CDCA2: variants seen among roughly 807,000 people sequenced by gnomAD.
CDCA2 encodes cell division cycle associated 2, also known as cell division cycle-associated protein 2.
Under a neutral mutation model 67.0 loss-of-function variants are expected in CDCA2, and 44 were observed. The observed-to-expected ratio is 0.66, with a 90% confidence interval of 0.52 to 0.84. The LOEUF (loss-of-function observed/expected upper bound fraction) is 0.84, where lower values mean the gene tolerates loss of function less well. Among genes scored for constraint, CDCA2 ranks in the 40% least tolerant of loss-of-function variants. The pLI, the probability that CDCA2 is intolerant of heterozygous loss-of-function variation, is 0.00. For missense variants in CDCA2, 1,253 were observed against 1,203.2 expected (o/e 1.04, Z -0.61); for synonymous variants, 447 against 418.7 (o/e 1.07, Z -0.82).
At chr8:25,490,999 T>C (rs1252133820) in intron 13 of CDCA2, among the ~76,000 whole-genome samples, 1 of 152,172 alleles carries the variant, frequency 6.6e-6, no homozygotes, top group Non-Finnish European at 1.5e-5. Context: ...AATAGGTTAT[T>C]CAAGGAATAG....
Position 25,507,052 on chromosome 8 carries a change from G to A in CDCA2, c.2386G>A (p.Val796Ile). The change falls in exon 15 of 15, where the codon GTC becomes ATC. Residue 796 changes from valine (V) to isoleucine (I), a missense_variant. By Grantham distance (29) the Val-to-Ile change is conservative. Coordinates refer to ENST00000330560, the MANE Select transcript of CDCA2 (RefSeq NM_152562.4). ...SQKDCHCLGD[V>I]LIENTKESKS... ...AAAAGACTGTCATTGTTTAGGAGAT[G>A]TCTTAATTGAAAATACGAAAGAATC... 6.2e-7 allele frequency: 1 copy of A among 1,613,994 alleles called. No homozygotes were observed. The highest frequency in any genetic ancestry group is 8.5e-7 in the Non-Finnish European group (1 of 1,179,974).
At chr8:25,462,328 G>C in intron 4 of CDCA2, 120 bp downstream of exon 4, 4 of 1,192,932 alleles carry the variant, frequency 3.4e-6, no homozygotes, top group Non-Finnish European at 1.2e-6. Flanking sequence ...CTGTGTTTTA[G>C]AGAACATGCA....
intron 14 of CDCA2, among the ~76,000 whole-genome samples, 181 bp from the exon 15 acceptor site, chr8:25,506,329 C>T (rs1003558815): frequency 2.0e-5 from 3 of 152,068 alleles, no homozygotes; most frequent in South Asian, 4.1e-4. Flanking sequence ...ACCTGTGGAT[C>T]GTTGGAGAAC....
intron 4 of CDCA2, among the ~76,000 whole-genome samples, chr8:25,465,779 C>G (rs886621416): frequency 6.6e-6 from 1 of 152,128 alleles, no homozygotes; most frequent in Non-Finnish European, 1.5e-5. Context: ...GTAGAAACAG[C>G]TTGGACTGAA....
chr8:25,507,654 G>A lies in CDCA2; in HGVS notation c.2988G>A (p.Arg996=). 1 of 1,614,196 alleles carries A rather than the reference G, an allele frequency of 6.2e-7. No individual in the cohort carries two copies. The highest frequency in any genetic ancestry group is 8.5e-7 in the Non-Finnish European group (1 of 1,180,028). Residue 996 remains arginine, a synonymous_variant, in exon 15 of 15, where the codon CGG becomes CGA. Coordinates refer to ENST00000330560, the MANE Select transcript of CDCA2 (RefSeq NM_152562.4). ...CCACTTCCCAGTTCAAAGGCTACCG[G>A]AGAAGATCCTCTCTTAATGGGAAGG... ...TKATSQFKGY[R]RRSSLNGKGE... is the part of the protein sequence containing the mutation.
At chr8:25,474,682 C>T (rs941619370) in intron 7 of CDCA2, among the ~76,000 whole-genome samples, 2 of 152,154 alleles carry the variant, frequency 1.3e-5, no homozygotes, top group Non-Finnish European at 2.9e-5. Flanking sequence ...TAGAGCTGCT[C>T]TCTGGGTTCT....
In CDCA2 at chr8:25,503,471, CA is replaced by C; in HGVS notation, c.1771del (p.Ser591ValfsTer12). 6.2e-7 allele frequency: 1 copy of C among 1,613,954 alleles called. No homozygotes were observed. The highest frequency in any genetic ancestry group is 8.5e-7 in the Non-Finnish European group (1 of 1,179,860). ...ACATTGCTTCTAAGAAGCCCCTCCT[CA>C]GTCCTATTCCCGAGCTGCCTGAAGT... ...RDIASKKPLLSPIPELPEVPE... is the reference protein window; with the variant it reads ...RDIASKKPLLXPIPELPEVPE... On this transcript the variant is annotated frameshift_variant, in exon 14 of 15. Transcript: ENST00000330560. LOFTEE classifies it high-confidence loss of function.
At position 25,506,798 on chromosome 8, in the gene CDCA2, C is replaced by A. The variant is rs749123267; in HGVS notation, c.2132C>A (p.Pro711His). 6.2e-7 allele frequency: 1 copy of A among 1,613,922 alleles called. No homozygotes were observed. Among genetic ancestry groups the A allele is most frequent in the East Asian group, 2.2e-5 (1 of 44,850 alleles). The change falls in exon 15 of 15, where the codon CCT becomes CAT. Residue 711 changes from proline to histidine, a missense_variant. Coordinates refer to ENST00000330560, the MANE Select transcript of CDCA2 (RefSeq NM_152562.4). ...ENEPKAGTDSPVSCASVTEER... is the reference protein window; with the variant it reads ...ENEPKAGTDSHVSCASVTEER... ...GAACCAAAAGCTGGAACTGACAGTCCTGTTTCTTGTGCTTCTGTAACTGAA... is the reference window on the plus strand; with the variant it reads ...GAACCAAAAGCTGGAACTGACAGTCATGTTTCTTGTGCTTCTGTAACTGAA...
chr8:25,470,856 G>A (rs568255885), intron 7 of CDCA2, among the ~76,000 whole-genome samples: 1 of 151,836 alleles, frequency 6.6e-6, no homozygotes, highest in Non-Finnish European at 1.5e-5. Flanking sequence ...CCCTCTCCCA[G>A]GTTCAAGCCA....
intron 8 of CDCA2, among the ~76,000 whole-genome samples, chr8:25,482,697 C>T (rs1025115188): frequency 6.6e-6 from 1 of 152,086 alleles, no homozygotes; most frequent in Non-Finnish European, 1.5e-5. Context: ...GGCGAAACCT[C>T]GTCTCTACAA....
At chr8:25,471,678 G>C (rs903970195) in intron 7 of CDCA2, among the ~76,000 whole-genome samples, 11 of 152,058 alleles carry the variant, frequency 7.2e-5, no homozygotes, top group Admixed American at 7.2e-4. Context: ...AATTCTTTTT[G>C]CTTTGCTCTT....
intron 14 of CDCA2, 31 bp from the exon 15 acceptor site, chr8:25,506,479 A>G (rs755480714): frequency 5.3e-6 from 8 of 1,502,542 alleles, no homozygotes; most frequent in Non-Finnish European, 6.2e-6. Context: ...TTACTTTTTA[A>G]TTAGATTTAA....
chr8:25,466,220 A>T lies in CDCA2; in HGVS notation c.433A>T (p.Ile145Leu), dbSNP rs764487001. Residue 145 changes from isoleucine to leucine, a missense_variant, in exon 5 of 15, where the codon ATA becomes TTA. Physicochemically the swap from Ile to Leu is conservative, Grantham distance 5. Transcript: ENST00000330560. ...AAATGTTAACACTTTAAGAGAACGA[A>T]TATCAGCCTTCCAGTCAGCTTTTCA... ...YRNVNTLRER[I>L]SAFQSAFHSI... 2 of 1,611,602 alleles carry T rather than the reference A, an allele frequency of 1.2e-6. No homozygotes were observed. Among genetic ancestry groups the T allele is most frequent in the Non-Finnish European group, 1.7e-6 (2 of 1,179,520 alleles).
intron 13 of CDCA2, among the ~76,000 whole-genome samples, chr8:25,489,166 T>C (rs1170903895): frequency 1.3e-5 from 2 of 152,174 alleles, no homozygotes; most frequent in Non-Finnish European, 2.9e-5. Context: ...TCCATGTGGT[T>C]AGCCAATTTA....
At chr8:25,489,597 CCTT>C (rs1405246813) in intron 13 of CDCA2, among the ~76,000 whole-genome samples, 2 of 152,164 alleles carry the variant, frequency 1.3e-5, no homozygotes, top group Admixed American at 6.5e-5. Flanking sequence ...TGACATCTGG[CCTT>C]CTTCTTCACC....
At position 25,506,904 on chromosome 8, in the gene CDCA2, A is replaced by G; in HGVS notation, c.2238A>G (p.Ala746=). The change falls in exon 15 of 15, where the codon GCA becomes GCG. Residue 746 remains alanine, a synonymous_variant. Transcript: ENST00000330560. The part of the protein sequence containing the change: ...GQEFSAGGQN[A]ENLCQFFKIS... ...AATTTTCTGCTGGTGGTCAAAATGC[A>G]GAAAACCTTTGTCAGTTCTTTAAAA... 1 of 1,612,592 alleles carries G rather than the reference A, an allele frequency of 6.2e-7. No homozygotes were observed. The highest frequency in any genetic ancestry group is 8.5e-7 in the Non-Finnish European group (1 of 1,179,272).
intron 4 of CDCA2, among the ~76,000 whole-genome samples, chr8:25,465,007 T>A (rs1438940881): frequency 1.3e-5 from 2 of 152,336 alleles, no homozygotes; most frequent in East Asian, 3.9e-4. Context: ...CAAGCCTTGC[T>A]CTGTTACGCA....
Position 25,484,197 on chromosome 8 carries a change from A to G in CDCA2, c.1352A>G (p.Lys451Arg). 6.2e-7 allele frequency: 1 copy of G among 1,614,064 alleles called. No homozygotes were observed. Among genetic ancestry groups the G allele is most frequent in the South Asian group, 1.1e-5 (1 of 91,072 alleles). ...TTACCTCAACCAGATTTTGATGACAAGGGGGAGAATCTTGTAAGTATGAAA... is the reference window on the plus strand; with the variant it reads ...TTACCTCAACCAGATTTTGATGACAGGGGGGAGAATCTTGTAAGTATGAAA... The part of the protein sequence containing the change: ...EPLPQPDFDD[K>R]GENLENIEPL... Residue 451 changes from lysine (K) to arginine (R), a missense_variant, in exon 10 of 15, where the codon AAG (lysine) becomes AGG (arginine). By Grantham distance (26) the Lys-to-Arg change is conservative (BLOSUM62 2). Coordinates refer to ENST00000330560, the MANE Select transcript of CDCA2 (RefSeq NM_152562.4).
At chr8:25,499,888 A>G (rs1013998760) in intron 13 of CDCA2, among the ~76,000 whole-genome samples, 2 of 152,184 alleles carry the variant, frequency 1.3e-5, no homozygotes, top group Non-Finnish European at 2.9e-5. Context: ...TTACACTATC[A>G]GCAAGGCTTT....
Sources: gnomAD v4.1 joint callset for allele counts (sites outside exome capture counted in the v4.1 genomes callset) on GRCh38, gnomAD v4.1.1 for gene constraint, MANE v1.5 for transcripts, NCBI Gene and HGNC (gene_info 2026-07-23, HGNC 2026-07-21) for gene names.